The following LPP variants were observed in gnomAD, a reference collection of about 807,000 sequenced individuals.
LPP encodes the protein lipoma-preferred partner.
In LPP, 38 loss-of-function variants were observed where a neutral mutation model predicts 60.4. The observed-to-expected ratio is 0.63, with a 90% CI of 0.49 to 0.83. The LOEUF is 0.83. Ranked by LOEUF, LPP falls within the 40% of genes least tolerant of loss-of-function variation. The probability of loss-of-function intolerance (pLI) is 0.00; values close to 1 mark genes in which losing one functional copy is unlikely to be tolerated. For missense variants in LPP, 902 were observed against 783.6 expected (o/e 1.15, Z -1.80); for synonymous variants, 328 against 290.8 (o/e 1.13, Z -1.30).
chr3:188,188,612 C>T (rs867361886), intron 1 of LPP, among the ~76,000 whole-genome samples: 1 of 151,674 alleles, frequency 6.6e-6, no homozygotes, highest in Non-Finnish European at 1.5e-5. Context: ...AGAGGAATTC[C>T]CATTGAGAAT....
intron 2 of LPP, among the ~76,000 whole-genome samples, chr3:188,267,935 C>T (rs559960511): frequency 2.0e-5 from 3 of 152,072 alleles, no homozygotes; most frequent in Non-Finnish European, 4.4e-5. Context: ...GTCCTGCCAC[C>T]ATTGCTGTGG....
At chr3:188,493,093 A>C (rs1184513899) in intron 5 of LPP, among the ~76,000 whole-genome samples, 2 of 151,980 alleles carry the variant, frequency 1.3e-5, no homozygotes, top group Non-Finnish European at 2.9e-5. Flanking sequence ...TCATTAAGTA[A>C]TTTTATGGGA....
At chr3:188,659,068 A>T (rs1164442685) in intron 7 of LPP, among the ~76,000 whole-genome samples, 1 of 152,222 alleles carries the variant, frequency 6.6e-6, no homozygotes, top group Non-Finnish European at 1.5e-5. Context: ...TATGTTTCCA[A>T]ATATAGTCTA....
At chr3:188,761,306 G>T (rs1397354171) in intron 9 of LPP, among the ~76,000 whole-genome samples, 3 of 152,224 alleles carry the variant, frequency 2.0e-5, no homozygotes, top group African/African-American at 7.2e-5. Flanking sequence ...CTATAACTTG[G>T]CAGCTCTAAC....
chr3:188,220,304 A>G (rs1715300945), intron 1 of LPP, among the ~76,000 whole-genome samples: 1 of 152,082 alleles, frequency 6.6e-6, no homozygotes, highest in Admixed American at 6.5e-5. Flanking sequence ...ACCGTGTGGT[A>G]TGAAAATTTG....
intron 3 of LPP, among the ~76,000 whole-genome samples, chr3:188,373,201 TA>T (rs1773823634): frequency 3.3e-5 from 5 of 152,242 alleles, no homozygotes; most frequent in African/African-American, 1.2e-4. Flanking sequence ...GCATGATTTA[TA>T]ATCCTTTGGG....
chr3:188,231,986 A>G (rs1212717244), intron 2 of LPP, among the ~76,000 whole-genome samples: 2 of 152,176 alleles, frequency 1.3e-5, no homozygotes, highest in Admixed American at 1.3e-4. Context: ...GAGCTGATAT[A>G]CAACGTTACT....
chr3:188,711,974 C>T (rs1033201883), intron 8 of LPP: 3 of 152,102 alleles, frequency 2.0e-5, no homozygotes, highest in African/African-American at 7.2e-5. Flanking sequence ...GAGTTTTTGA[C>T]ATAACAGGGA....
chr3:188,440,192 T>C (rs61008881), intron 4 of LPP, among the ~76,000 whole-genome samples: 4,856 of 152,294 alleles, frequency 0.032, 133 homozygotes, highest in African/African-American at 0.079. Context: ...CAGTGCCAGA[T>C]GAATGACAGC....
At chr3:188,258,299 C>T (rs1001306311) in intron 2 of LPP, among the ~76,000 whole-genome samples, 14 of 152,186 alleles carry the variant, frequency 9.2e-5, no homozygotes, top group Admixed American at 3.3e-4. Flanking sequence ...ACACTGGCTG[C>T]GCATTAAAAT....
intron 2 of LPP, among the ~76,000 whole-genome samples, chr3:188,249,021 T>C (rs1296710399): frequency 6.6e-6 from 1 of 152,180 alleles, no homozygotes; most frequent in African/African-American, 2.4e-5. Context: ...ACTGTGGTCT[T>C]GGACATGTGA....
chr3:188,163,892 A>G (rs930591697), intron 1 of LPP, among the ~76,000 whole-genome samples: 2 of 150,942 alleles, frequency 1.3e-5, no homozygotes, highest in African/African-American at 4.9e-5. Context: ...CTGAGGTTGC[A>G]GTGAGCCAGG....
At chr3:188,265,697 A>G (rs1357696140) in intron 2 of LPP, among the ~76,000 whole-genome samples, 2 of 152,192 alleles carry the variant, frequency 1.3e-5, no homozygotes, top group Non-Finnish European at 1.5e-5. Context: ...TAGCAGAGAC[A>G]TGAAAATATC....
At chr3:188,547,350 C>T (rs142643924) in intron 6 of LPP, among the ~76,000 whole-genome samples, 90 of 152,282 alleles carry the variant, frequency 5.9e-4, no homozygotes, top group Admixed American at 2.6e-3. Flanking sequence ...TATTTATCCT[C>T]AGTGCAAAAC....
intron 3 of LPP, among the ~76,000 whole-genome samples, chr3:188,349,591 C>T (rs1222425622): frequency 6.6e-6 from 1 of 152,238 alleles, no homozygotes; most frequent in Admixed American, 6.5e-5. Flanking sequence ...ACATTACTGG[C>T]TGAGTATAAA....
intron 5 of LPP, among the ~76,000 whole-genome samples, chr3:188,522,784 A>AATATATAT (rs61033243): frequency 0.037 from 4,652 of 124,858 alleles, 107 homozygotes; most frequent in East Asian, 0.089. Context: ...GATAATATGA[A>AATATATAT]ATATATATAT....
intron 3 of LPP, among the ~76,000 whole-genome samples, chr3:188,385,989 C>T (rs936149925): frequency 1.4e-4 from 22 of 152,160 alleles, no homozygotes; most frequent in Admixed American, 1.4e-3. Context: ...GCTTCTCCCT[C>T]ACCCTGACTC....
At chr3:188,401,017 A>T (rs1412411504) in intron 3 of LPP, among the ~76,000 whole-genome samples, 12 of 152,212 alleles carry the variant, frequency 7.9e-5, no homozygotes, top group Admixed American at 7.9e-4. Flanking sequence ...ACTCTAAAAT[A>T]TTAGAGCTGA....
At chr3:188,273,304 A>C (rs1228222592) in intron 2 of LPP, among the ~76,000 whole-genome samples, 1 of 152,228 alleles carries the variant, frequency 6.6e-6, no homozygotes, top group South Asian at 2.1e-4. Context: ...CACGATGGAA[A>C]ACAGAATTGA....
Sources: gnomAD v4.1 joint callset for allele counts (sites outside exome capture counted in the v4.1 genomes callset) on GRCh38, gnomAD v4.1.1 for gene constraint, MANE v1.5 for transcripts, NCBI Gene and HGNC (gene_info 2026-07-23, HGNC 2026-07-21) for gene names.